The following DCLRE1C variants were observed in gnomAD, a reference collection of about 807,000 sequenced individuals.
DCLRE1C encodes the protein DNA cross-link repair 1C, also known as protein artemis.
Under a neutral mutation model 61.4 loss-of-function variants are expected in DCLRE1C, and 47 were observed. The observed-to-expected ratio is 0.77, with a 90% confidence interval of 0.61 to 0.98. The LOEUF (loss-of-function observed/expected upper bound fraction) is 0.98. DCLRE1C is among the 50% of genes least tolerant of loss of function. The pLI is 0.00. For missense variants in DCLRE1C, 858 were observed against 816.0 expected (o/e 1.05, Z -0.63); for synonymous variants, 337 against 287.6 (o/e 1.17, Z -1.74).
At chr10:14,938,370 A>G (rs1490806019) in intron 4 of DCLRE1C, among the ~76,000 whole-genome samples, 1 of 151,738 alleles carries the variant, frequency 6.6e-6, no homozygotes, top group African/African-American at 2.4e-5. Context: ...TTTAATCCTC[A>G]CTAAACTGGC....
chr10:14,941,441 T>C (rs1168107133), intron 3 of DCLRE1C, among the ~76,000 whole-genome samples: 4 of 152,288 alleles, frequency 2.6e-5, no homozygotes, highest in African/African-American at 7.2e-5. Flanking sequence ...CACTCTACTA[T>C]ACCAGGCTAG....
rs186462881 is a variant in DCLRE1C at position 14,907,073 on chromosome 10, G to T, written c.*1335C>A. On this transcript the variant is annotated 3_prime_UTR_variant, in exon 14 of 14. Transcript: ENST00000378278. ...ACAGGGTCTCCCTGTGTGTTGCCCA[G>T]GCTGGACTCAAAACCCTGAGCTCAA... is the stretch of plus-strand genomic sequence containing the variant. Among the ~76,000 whole-genome samples the T allele has an allele frequency of 8.5e-5, 13 of 152,056 alleles. No individual in the cohort carries two copies. The highest frequency in any genetic ancestry group is 7.9e-4 in the Admixed American group (12 of 15,252).
At chr10:14,899,427 T>G (rs1833839517) in intron 13 of DCLRE1C, 1 of 1,194,340 alleles carries the variant, frequency 8.4e-7, no homozygotes, top group Non-Finnish European at 1.2e-6. Flanking sequence ...TGATGACACC[T>G]GAATTTCTTA....
intron 13 of DCLRE1C, among the ~76,000 whole-genome samples, chr10:14,917,201 C>G (rs914257428): frequency 6.6e-6 from 1 of 152,102 alleles, no homozygotes; most frequent in South Asian, 2.1e-4. Context: ...CATACAGACA[C>G]ACACACAAAA....
At chr10:14,911,729 C>CT (rs1040047366) in intron 13 of DCLRE1C, among the ~76,000 whole-genome samples, 2 of 152,144 alleles carry the variant, frequency 1.3e-5, no homozygotes, top group Admixed American at 1.3e-4. Flanking sequence ...TGATACCAGA[C>CT]TTTAACTCTT....
intron 13 of DCLRE1C, among the ~76,000 whole-genome samples, chr10:14,909,998 T>TA (rs555041435): frequency 1.4e-3 from 216 of 152,348 alleles, no homozygotes; most frequent in African/African-American, 4.8e-3. Context: ...TTTTCCCATC[T>TA]TGTAACAGTA....
In DCLRE1C at chr10:14,929,310, G is replaced by A. The variant is rs530581633; in HGVS notation, c.781-1158C>T. On this transcript the variant is annotated intron_variant, in intron 9 of 13. Transcript: ENST00000378278. Reference sequence around the variant, plus strand: ...TCCCAGCTACTTGGGAGGCTGAGGCGGGAGAATCGCTTGAACCCAGGAGGT... The same window carrying A: ...TCCCAGCTACTTGGGAGGCTGAGGCAGGAGAATCGCTTGAACCCAGGAGGT... Among the ~76,000 whole-genome samples, 231 of 152,114 alleles carry A rather than the reference G, an allele frequency of 1.5e-3. 2 individuals are homozygous for A. Among genetic ancestry groups the A allele is most frequent in the South Asian group, 2.1e-3 (10 of 4,802 alleles).
At chr10:14,914,999 A>T (rs1013028187) in intron 13 of DCLRE1C, among the ~76,000 whole-genome samples, 4 of 152,158 alleles carry the variant, frequency 2.6e-5, no homozygotes, top group African/African-American at 9.7e-5. Flanking sequence ...TAATTTAGAT[A>T]ACAGAATAAT....
At position 14,928,593 on chromosome 10, in the gene DCLRE1C, T is replaced by C. The variant is rs41298876; in HGVS notation, c.781-441A>G. On this transcript the variant is annotated intron_variant, in intron 9 of 13. Coordinates refer to ENST00000378278, the MANE Select transcript of DCLRE1C (RefSeq NM_001033855.3). Reference sequence around the variant, plus strand: ...ACACAAAATGTTCTGAGGAAGGGTATTGTACTGTGGTTATATAGGAAAATG... The same window carrying C: ...ACACAAAATGTTCTGAGGAAGGGTACTGTACTGTGGTTATATAGGAAAATG... Among the ~76,000 whole-genome samples the C allele has an allele frequency of 5.2e-3, 798 of 152,278 alleles. 6 individuals carry two copies. The highest frequency in any genetic ancestry group is 0.018 in the African/African-American group (755 of 41,558).
rs1346180353 is a variant in DCLRE1C at position 14,908,424 on chromosome 10, G to C, written c.2063C>G (p.Ser688Ter). Residue 688 changes from serine to a stop codon, truncating the protein, a stop_gained, in exon 14 of 14, where the codon TCA becomes TGA. Transcript: ENST00000378278. LOFTEE classifies it high-confidence loss of function. ...ESIAVKKRKCSLLDT is the reference protein window; with the variant it reads ...ESIAVKKRKC Reference sequence around the variant, plus strand: ...TTTGAATTCTTAGGTATCTAAGAGTGAGCATTTTCTTTTTTTGACTGCTAT... The same window carrying C: ...TTTGAATTCTTAGGTATCTAAGAGTCAGCATTTTCTTTTTTTGACTGCTAT... 6.2e-7 allele frequency: 1 copy of C among 1,613,408 alleles called. No homozygotes were observed. Among genetic ancestry groups the C allele is most frequent in the Non-Finnish European group, 8.5e-7 (1 of 1,179,654 alleles).
chr10:14,927,746 A>G (rs901936340), intron 10 of DCLRE1C, among the ~76,000 whole-genome samples: 2 of 152,190 alleles, frequency 1.3e-5, no homozygotes, highest in Non-Finnish European at 2.9e-5. Flanking sequence ...TATGACATCA[A>G]TTTGTTACTC....
At chr10:14,938,193 C>A (rs1285863419) in intron 4 of DCLRE1C, among the ~76,000 whole-genome samples, 2 of 152,158 alleles carry the variant, frequency 1.3e-5, no homozygotes, top group African/African-American at 4.8e-5. Flanking sequence ...AAAGTGGTGG[C>A]AGGACTGCTC....
chr10:14,909,547 ACT>A (rs2131782603), intron 13 of DCLRE1C, among the ~76,000 whole-genome samples: 1 of 151,598 alleles, frequency 6.6e-6, no homozygotes. Flanking sequence ...TAGAGCAGTC[ACT>A]CTGCTCTATA....
chr10:14,936,547 C>A lies in DCLRE1C; in HGVS notation c.353G>T (p.Gly118Val), dbSNP rs1839956628. The A allele has an allele frequency of 6.2e-7, 1 of 1,612,726 alleles. No individual in the cohort carries two copies. Among genetic ancestry groups the A allele is most frequent in the African/African-American group, 1.3e-5 (1 of 74,972 alleles). Residue 118 changes from glycine to valine, a missense_variant, in exon 5 of 14, where the codon GGA (glycine) becomes GTA (valine). Physicochemically the swap from Gly to Val is moderately radical, Grantham distance 109. Around this residue, in one of 2 missense-constraint regions of DCLRE1C, gnomAD observed 843 missense variants for 783.5 expected, o/e 1.08. Coordinates refer to ENST00000378278, the MANE Select transcript of DCLRE1C (RefSeq NM_001033855.3). ...TAAATGACCCCCTTACATAACTGAT[C>A]CCGGACAGTGACCAGCTGGTAAGAG... is the stretch of plus-strand genomic sequence containing the variant. ...VTLLPAGHCP[G>V]SVMFLFQGNN...
chr10:14,938,761 A>G (rs1840392746), intron 4 of DCLRE1C, among the ~76,000 whole-genome samples: 1 of 152,226 alleles, frequency 6.6e-6, no homozygotes, highest in Non-Finnish European at 1.5e-5. Context: ...ACCTGCAAAA[A>G]TATTAATCAC....
rs772499261 is a variant in DCLRE1C at position 14,909,023 on chromosome 10, C to A, written c.1464G>T (p.Gln488His). The change falls in exon 14 of 14, where the codon CAG becomes CAT. Residue 488 changes from glutamine to histidine, a missense_variant. Gln to His is a conservative substitution (Grantham distance 24). This residue lies in a region of DCLRE1C where 843 missense variants were observed against 783.5 expected (regional missense o/e 1.08). Transcript: ENST00000378278. ...CATTTCTTTTAAAGAATACTTCCCA[C>A]TGGGGTACATCCCCATCAGCCTTTT... ...HLQKADGDVP[Q>H]WEVFFKRNDE... 32 of 1,614,046 alleles carry A rather than the reference C, an allele frequency of 2.0e-5. 1 individual carries two copies. The South Asian group carries it at 3.4e-4, about 17-fold the overall frequency.
intron 13 of DCLRE1C, among the ~76,000 whole-genome samples, chr10:14,916,128 T>A (rs562817040): frequency 6.6e-6 from 1 of 152,214 alleles, no homozygotes; most frequent in Non-Finnish European, 1.5e-5. Context: ...CTTATCATTA[T>A]ACTTAATGGT....
intron 10 of DCLRE1C, 109 bp downstream of exon 10, chr10:14,927,907 T>C (rs1346990465): frequency 4.0e-6 from 3 of 748,678 alleles, no homozygotes; most frequent in Non-Finnish European, 5.5e-6. Flanking sequence ...AAATTAATTA[T>C]AATATATAAT....
intron 8 of DCLRE1C, among the ~76,000 whole-genome samples, chr10:14,934,129 A>T (rs1354180592): frequency 6.6e-6 from 1 of 152,024 alleles, no homozygotes; most frequent in African/African-American, 2.4e-5. Flanking sequence ...GGAGTTCAAG[A>T]CCAGCCTGGC....
Sources: allele counts gnomAD v4.1 joint callset (sites outside exome capture counted in the v4.1 genomes callset), GRCh38; gene constraint gnomAD v4.1.1; regional missense constraint gnomAD v4.1.1; transcripts MANE v1.5; gene names NCBI Gene and HGNC (gene_info 2026-07-23, HGNC 2026-07-21).